The following RNF2 variants were observed in gnomAD, a reference collection of about 807,000 sequenced individuals.
The protein encoded by RNF2 is ring finger protein 2.
In RNF2, 6 loss-of-function variants were observed where a neutral mutation model predicts 37.2. That is an observed-to-expected ratio of 0.16 (90% confidence interval 0.09 to 0.32). RNF2 has a LOEUF of 0.32. RNF2 is among the 10% of genes least tolerant of loss of function. RNF2 has a pLI of 1.00. For missense variants in RNF2, 251 were observed against 404.0 expected (o/e 0.62, Z 3.25); for synonymous variants, 133 against 132.7 (o/e 1.00, Z -0.02).
chr1:185,070,932 C>T (rs1474291856), intron 1 of RNF2, among the ~76,000 whole-genome samples: 5 of 152,102 alleles, frequency 3.3e-5, no homozygotes, highest in South Asian at 2.1e-4. Flanking sequence ...CCACTGCACC[C>T]GGCCAGACTG....
chr1:185,081,515 T>A (rs1215065681), intron 1 of RNF2, among the ~76,000 whole-genome samples: 2 of 146,008 alleles, frequency 1.4e-5, no homozygotes, highest in African/African-American at 5.0e-5. Context: ...TGCCTCAGCC[T>A]CCTGAGTAGC....
chr1:185,093,614 A>G (rs760077480), intron 4 of RNF2, among the ~76,000 whole-genome samples: 12 of 152,202 alleles, frequency 7.9e-5, no homozygotes, highest in Middle Eastern at 3.4e-3. Context: ...GCTCTTATCA[A>G]TGTTATTAGT....
At chr1:185,049,024 G>T (rs571421923) in intron 1 of RNF2, among the ~76,000 whole-genome samples, 1 of 152,060 alleles carries the variant, frequency 6.6e-6, no homozygotes, top group Non-Finnish European at 1.5e-5. Context: ...TCAAGTGTTC[G>T]AGACCAGTCT....
intron 1 of RNF2, among the ~76,000 whole-genome samples, chr1:185,074,596 C>T (rs187605250): frequency 7.9e-5 from 12 of 151,818 alleles, no homozygotes; most frequent in Non-Finnish European, 1.3e-4. Flanking sequence ...AGGACTAAGA[C>T]CAAATACAAA....
At position 185,091,610 on chromosome 1, in the gene RNF2, T is replaced by C. The variant is rs1651766683; in HGVS notation, c.119T>C (p.Val40Ala). The change falls in exon 3 of 7, where the codon GTT becomes GCT. Residue 40 changes from valine (V) to alanine (A), a missense_variant. Physicochemically the swap from Val to Ala is moderately conservative, Grantham distance 64. Transcript: ENST00000367510. ...EAITDGLEIV[V>A]SPRSLHSELM... Reference sequence around the variant, plus strand: ...ATAACAGATGGCTTAGAAATTGTGGTTTCACCTCGAAGTCTACACAGTGAA... The same window carrying C: ...ATAACAGATGGCTTAGAAATTGTGGCTTCACCTCGAAGTCTACACAGTGAA... 1 of 1,613,756 alleles carries C rather than the reference T, an allele frequency of 6.2e-7. No homozygotes were observed. The highest frequency in any genetic ancestry group is 8.5e-7 in the Non-Finnish European group (1 of 1,179,982).
At chr1:185,068,715 C>T (rs1218608799) in intron 1 of RNF2, among the ~76,000 whole-genome samples, 2 of 152,180 alleles carry the variant, frequency 1.3e-5, no homozygotes, top group African/African-American at 2.4e-5. Context: ...TGTTATAAGC[C>T]TTCAAATTTG....
intron 1 of RNF2, among the ~76,000 whole-genome samples, chr1:185,077,639 G>GTTTTTTTTTTTT (rs1651212686): frequency 1.5e-5 from 1 of 66,562 alleles, no homozygotes; most frequent in African/African-American, 7.1e-5. Flanking sequence ...TTTTTTTTTT[G>GTTTTTTTTTTTT]GCTAGAAATT....
In RNF2 at chr1:185,070,869, C is replaced by T. The variant is rs529679941; in HGVS notation, c.-2-16683C>T. 6.6e-5 allele frequency among the ~76,000 whole-genome samples: 10 copies of T among 152,176 alleles called. No homozygotes were observed. The South Asian group carries it at 1.2e-3, about 19-fold the overall frequency. ...GCCGGGATGGTCTCGATTTCCTGAC[C>T]TCGTGATCCGCCCGCCTCGGCCTCC... On this transcript the variant is annotated intron_variant, in intron 1 of 6. Coordinates refer to ENST00000367510, the MANE Select transcript of RNF2 (RefSeq NM_007212.4).
intron 4 of RNF2, among the ~76,000 whole-genome samples, chr1:185,095,394 G>C (rs185865532): frequency 1.3e-5 from 2 of 152,208 alleles, no homozygotes; most frequent in African/African-American, 4.8e-5. Flanking sequence ...TCTATTTCAG[G>C]AACCTTCTTC....
chr1:185,064,083 A>G (rs1650727505), intron 1 of RNF2, among the ~76,000 whole-genome samples: 1 of 152,240 alleles, frequency 6.6e-6, no homozygotes, highest in Non-Finnish European at 1.5e-5. Flanking sequence ...CCTATTATTC[A>G]CACTGCCATA....
chr1:185,080,245 G>A (rs553177464), intron 1 of RNF2, among the ~76,000 whole-genome samples: 1 of 152,190 alleles, frequency 6.6e-6, no homozygotes, highest in East Asian at 1.9e-4. Context: ...CTCAGATATT[G>A]TTCATTGAAA....
In RNF2 at chr1:185,095,518, A is replaced by G. The variant is rs575309107; in HGVS notation, c.464+2242A>G. On this transcript the variant is annotated intron_variant, in intron 4 of 6. Transcript: ENST00000367510. ...ACCCTCCCTGCCTCATTTTTTTCCC[A>G]TAGCACGTATCACTCTCTCATGTGT... Among the ~76,000 whole-genome samples the G allele has an allele frequency of 3.3e-5, 5 of 152,200 alleles. No individual in the cohort carries two copies. In the South Asian group the frequency reaches 1.0e-3, roughly 32 times the overall value.
Position 185,072,406 on chromosome 1 carries a change from G to A in RNF2, c.-2-15146G>A, listed in dbSNP as rs372888810. Reference sequence around the variant, plus strand: ...TACAGTGCAAGGTATTGGGGATATTGTGGTAAATAAGAGATAACTACTCTT... The same window carrying A: ...TACAGTGCAAGGTATTGGGGATATTATGGTAAATAAGAGATAACTACTCTT... On this transcript the variant is annotated intron_variant, in intron 1 of 6. Transcript: ENST00000367510. Among the ~76,000 whole-genome samples, 173 of 152,162 alleles carry A rather than the reference G, an allele frequency of 1.1e-3. 1 individual carries two copies. The highest frequency in any genetic ancestry group is 3.5e-3 in the African/African-American group (144 of 41,502).
At chr1:185,061,463 G>A (rs1430999801) in intron 1 of RNF2, among the ~76,000 whole-genome samples, 3 of 151,902 alleles carry the variant, frequency 2.0e-5, no homozygotes, top group Admixed American at 1.3e-4. Context: ...ACAAAACCCC[G>A]AATGTGCAGC....
chr1:185,057,304 A>C lies in RNF2; in HGVS notation c.-3+11655A>C, dbSNP rs569475720. Among the ~76,000 whole-genome samples the C allele has an allele frequency of 8.0e-5, 12 of 150,494 alleles. 1 individual carries two copies. The highest frequency in any genetic ancestry group is 5.9e-4 in the Admixed American group (9 of 15,188). ...CTAGCCTGGGCAACCCTGTTTCAAAAAATAAATAAATAAATAAATAAAATC... is the reference window on the plus strand; with the variant it reads ...CTAGCCTGGGCAACCCTGTTTCAAACAATAAATAAATAAATAAATAAAATC... On this transcript the variant is annotated intron_variant, in intron 1 of 6. Transcript: ENST00000367510.
chr1:185,075,794 A>T (rs1013142144), intron 1 of RNF2, among the ~76,000 whole-genome samples: 18 of 152,256 alleles, frequency 1.2e-4, no homozygotes, highest in African/African-American at 4.3e-4. Context: ...CCCTCCTCCA[A>T]CACTGGGGAT....
intron 1 of RNF2, among the ~76,000 whole-genome samples, chr1:185,085,480 T>G (rs1651566669): frequency 6.6e-6 from 1 of 152,018 alleles, no homozygotes; most frequent in Non-Finnish European, 1.5e-5. Flanking sequence ...CATTTAGTGC[T>G]CTCTCTAATT....
At chr1:185,069,011 T>A (rs1255340926) in intron 1 of RNF2, among the ~76,000 whole-genome samples, 1 of 152,194 alleles carries the variant, frequency 6.6e-6, no homozygotes, top group Non-Finnish European at 1.5e-5. Flanking sequence ...TTTCATCCAA[T>A]TTGGAAGCTC....
chr1:185,058,587 T>C (rs1650508506), intron 1 of RNF2, among the ~76,000 whole-genome samples: 3 of 152,230 alleles, frequency 2.0e-5, no homozygotes, highest in African/African-American at 7.2e-5. Flanking sequence ...CCTTCCTCTT[T>C]ATTGTTCGGT....
Sources: gnomAD v4.1 joint callset for allele counts (sites outside exome capture counted in the v4.1 genomes callset) on GRCh38, gnomAD v4.1.1 for gene constraint, MANE v1.5 for transcripts, NCBI Gene and HGNC (gene_info 2026-07-23, HGNC 2026-07-21) for gene names.